Variants in GLB1 observed in about 807,000 individuals in gnomAD.
The protein encoded by GLB1 is galactosidase beta 1, also known as beta-galactosidase.
In GLB1, 56 loss-of-function variants were observed where a neutral mutation model predicts 74.0. The ratio of observed to expected loss-of-function variants is 0.76; its 90% CI spans 0.61 to 0.94. GLB1 has a LOEUF of 0.94. Among genes scored for constraint, GLB1 ranks in the 40% least tolerant of loss-of-function variants. The pLI, the probability that GLB1 is intolerant of heterozygous loss-of-function variation, is 0.00. For synonymous variants in GLB1, 323 were observed against 323.6 expected, an observed-to-expected ratio of 1.00 and a Z score of 0.02; for missense variants, 787 against 845.5, an observed-to-expected ratio of 0.93 and a Z score of 0.86.
intron 10 of GLB1, among the ~76,000 whole-genome samples, chr3:33,043,129 C>T (rs964388434): frequency 6.6e-6 from 1 of 152,062 alleles, no homozygotes; most frequent in South Asian, 2.1e-4. Flanking sequence ...AAGAGGGATG[C>T]AATATGGAGA....
intron 1 of GLB1, chr3:33,090,331 C>T: frequency 1.1e-6 from 1 of 927,506 alleles, no homozygotes; most frequent in Non-Finnish European, 1.3e-6. Context: ...GTGGTCTCGT[C>T]ATGCTTGTTA....
the GLB1 span, among the ~76,000 whole-genome samples, chr3:32,965,379 G>C: frequency 6.6e-6 from 1 of 152,172 alleles, no homozygotes; most frequent in Non-Finnish European, 1.5e-5. Context: ...TTGGGGACTG[G>C]AGCAAAGGTG....
Position 33,093,715 on chromosome 3 carries a change from T to C in GLB1, c.75+3296A>G. 1 of 1,614,084 alleles carries C rather than the reference T, an allele frequency of 6.2e-7. No homozygotes were observed. The highest frequency in any genetic ancestry group is 8.5e-7 in the Non-Finnish European group (1 of 1,179,996). ...GCCAGGGCAGGCCTGAGCACGAGCTTCCTTGTCTTCTCAAGGCTGCCCACG... is the reference window on the plus strand; with the variant it reads ...GCCAGGGCAGGCCTGAGCACGAGCTCCCTTGTCTTCTCAAGGCTGCCCACG... On this transcript the variant is annotated intron_variant, in intron 1 of 15. Transcript: ENST00000307363. This position sits in a 1 kb window ranked among gnomAD's most constrained non-coding sequence, Gnocchi z 6.0.
At chr3:33,090,554 ATGAAAT>A (rs1348308783) in intron 1 of GLB1, 3 of 985,326 alleles carry the variant, frequency 3.0e-6, no homozygotes, top group Non-Finnish European at 3.6e-6. Context: ...AAAGAAACAA[ATGAAAT>A]TGAAAGAATG....
chr3:33,065,909 G>A (rs954170313), intron 4 of GLB1, among the ~76,000 whole-genome samples: 16 of 150,670 alleles, frequency 1.1e-4, no homozygotes, highest in South Asian at 4.2e-4. Context: ...CGGAGGTTGC[G>A]GTGAGCCAAG....
At chr3:33,014,432 C>A in intron 14 of GLB1, 122 bp from the exon 15 acceptor site, 1 of 1,438,090 alleles carries the variant, frequency 7.0e-7, no homozygotes, top group Non-Finnish European at 9.5e-7. Flanking sequence ...GGAAATGAAC[C>A]TCGAAATATG....
intron 14 of GLB1, 116 bp downstream of exon 14, chr3:33,016,593 C>T (rs1697244051): frequency 1.3e-6 from 2 of 1,563,492 alleles, no homozygotes; most frequent in Non-Finnish European, 1.7e-6. Flanking sequence ...CTCAAGTGAT[C>T]CTCCTGCCTT....
At chr3:33,034,013 G>A (rs544346063) in intron 10 of GLB1, 65 of 545,412 alleles carry the variant, frequency 1.2e-4, no homozygotes, top group African/African-American at 1.0e-3. Context: ...GATCCTCATT[G>A]CCAACCTCAG....
chr3:33,012,156 C>T (rs1697056011), intron 15 of GLB1, among the ~76,000 whole-genome samples: 1 of 152,170 alleles, frequency 6.6e-6, no homozygotes, highest in Admixed American at 6.5e-5. Context: ...ATGTTTTCAA[C>T]AATCATCTAT....
At chr3:32,972,234 T>G in the GLB1 span, among the ~76,000 whole-genome samples, 16 of 152,148 alleles carry the variant, frequency 1.1e-4, no homozygotes, top group Non-Finnish European at 2.1e-4. Context: ...AGGCACTAGA[T>G]TTATTGGCAA....
chr3:33,070,126 A>T (rs1034827380), intron 2 of GLB1, among the ~76,000 whole-genome samples: 2 of 152,218 alleles, frequency 1.3e-5, no homozygotes, highest in Non-Finnish European at 2.9e-5. Flanking sequence ...GCTGTAAAGG[A>T]CATGATCTCA....
chr3:33,040,928 T>A (rs1559395640), intron 10 of GLB1, among the ~76,000 whole-genome samples: 4 of 152,156 alleles, frequency 2.6e-5, no homozygotes, highest in African/African-American at 9.7e-5. Context: ...AATAATTCAA[T>A]GGAAAGGTTT....
the GLB1 span, among the ~76,000 whole-genome samples, chr3:32,982,679 T>A: frequency 6.6e-6 from 1 of 152,218 alleles, no homozygotes; most frequent in Admixed American, 6.5e-5. Flanking sequence ...ATGAATTTAA[T>A]ATTTGTTTAC....
intron 5 of GLB1, among the ~76,000 whole-genome samples, chr3:33,064,515 G>C (rs1321779061): frequency 6.8e-6 from 1 of 147,948 alleles, no homozygotes; most frequent in Non-Finnish European, 1.5e-5. Flanking sequence ...GGTGGCTCAC[G>C]CCTGTAATCC....
downstream of GLB1, among the ~76,000 whole-genome samples, chr3:32,995,908 G>A (rs570337740): frequency 1.2e-4 from 18 of 150,018 alleles, no homozygotes; most frequent in African/African-American, 4.4e-4. Flanking sequence ...ATAAGAAAAA[G>A]CAAGCAATCT....
At chr3:33,035,113 T>G (rs563987569) in intron 10 of GLB1, among the ~76,000 whole-genome samples, 1 of 151,838 alleles carries the variant, frequency 6.6e-6, no homozygotes, top group East Asian at 1.9e-4. Context: ...TTCAAGCAGT[T>G]AATAAAACCA....
chr3:33,089,265 T>C (rs1559420262), intron 1 of GLB1, among the ~76,000 whole-genome samples: 1 of 152,034 alleles, frequency 6.6e-6, no homozygotes, highest in Non-Finnish European at 1.5e-5. Flanking sequence ...AAAGCAAAAA[T>C]AGAGAAATGG....
At chr3:33,009,791 T>C (rs1696947268) in intron 15 of GLB1, among the ~76,000 whole-genome samples, 2 of 152,214 alleles carry the variant, frequency 1.3e-5, no homozygotes, top group Admixed American at 6.5e-5. Context: ...CCCTCAGCCC[T>C]AGGCAACCAG....
the GLB1 span, among the ~76,000 whole-genome samples, chr3:32,974,622 A>G: frequency 6.6e-6 from 1 of 152,214 alleles, no homozygotes. Flanking sequence ...TTCCAGCCTC[A>G]GTCCAAAGGC....
Sources: allele counts gnomAD v4.1 joint callset (sites outside exome capture counted in the v4.1 genomes callset), GRCh38; gene constraint gnomAD v4.1.1; non-coding constraint Gnocchi (gnomAD v3.1); transcripts MANE v1.5; gene names NCBI Gene and HGNC (gene_info 2026-07-23, HGNC 2026-07-21).